Variants in MACF1 observed in about 807,000 individuals in gnomAD.
The protein encoded by MACF1 is microtubule actin crosslinking factor 1, also known as microtubule-actin cross-linking factor 1.
Under a neutral mutation model 854.8 loss-of-function variants are expected in MACF1, and 193 were observed. That is an observed-to-expected ratio of 0.23 (90% CI 0.20 to 0.25). MACF1 has a LOEUF of 0.25. Among genes scored for constraint, MACF1 ranks in the 10% least tolerant of loss-of-function variants. The probability of loss-of-function intolerance (pLI) is 1.00; values close to 1 mark genes in which losing one functional copy is unlikely to be tolerated. For synonymous variants in MACF1, 3,185 were observed against 3,226.7 expected (o/e 0.99, Z 0.44); for missense variants, 7,722 against 8,929.1 (o/e 0.86, Z 5.45).
At chr1:39,150,517 C>G (rs1643557491) in intron 2 of MACF1, among the ~76,000 whole-genome samples, 1 of 152,102 alleles carries the variant, frequency 6.6e-6, no homozygotes, top group South Asian at 2.1e-4. Flanking sequence ...CTTAAATACT[C>G]AAACATATTA....
At chr1:39,102,431 AGGCG>A (rs1452255135) in intron 2 of MACF1, among the ~76,000 whole-genome samples, 62 of 98,288 alleles carry the variant, frequency 6.3e-4, no homozygotes, top group South Asian at 4.2e-3. Context: ...TATTAATTGG[AGGCG>A]GGGGGGGGGT....
chr1:39,269,525 T>G, intron 6 of MACF1: 4 of 1,289,786 alleles, frequency 3.1e-6, no homozygotes, highest in Non-Finnish European at 4.0e-6. Flanking sequence ...TGCCTACTTC[T>G]CAGAGTGATT....
intron 6 of MACF1, among the ~76,000 whole-genome samples, chr1:39,262,186 G>A (rs1645170119): frequency 6.6e-6 from 1 of 152,018 alleles, no homozygotes; most frequent in Admixed American, 6.6e-5. Flanking sequence ...CAGATCACTT[G>A]AGGTCAGGAG....
At chr1:39,107,432 G>A (rs530198881) in intron 2 of MACF1, among the ~76,000 whole-genome samples, 7 of 152,172 alleles carry the variant, frequency 4.6e-5, no homozygotes, top group African/African-American at 1.4e-4. Context: ...CTTTCTTGAG[G>A]GGAGGAATGA....
chr1:39,460,729 G>A lies in MACF1; in HGVS notation c.21458G>A (p.Arg7153His), dbSNP rs1005885936. The A allele has an allele frequency of 3.1e-6, 5 of 1,614,170 alleles. No individual in the cohort carries two copies. Among genetic ancestry groups the A allele is most frequent in the East Asian group, 2.2e-5 (1 of 44,894 alleles). ...KKSRVMDFFR[R>H]IDKDQDGKIT... ...TCTCGAGTGATGGATTTCTTCCGGC[G>A]CATTGATAAGGACCAGGATGGGAAG... The change falls in exon 92 of 101, where the codon CGC (arginine) becomes CAC (histidine). Residue 7153 changes from arginine to histidine, a missense_variant. Arg to His is a conservative substitution (Grantham distance 29, BLOSUM62 0). This residue lies in a region of MACF1 where 153 missense variants were observed against 342.5 expected (regional missense o/e 0.45). Transcript: ENST00000564288. The surrounding 1 kb of genome is among the most constrained non-coding windows in gnomAD (Gnocchi z 4.1).
chr1:39,117,298 G>A (rs1173993925), intron 2 of MACF1, among the ~76,000 whole-genome samples: 4 of 152,004 alleles, frequency 2.6e-5, no homozygotes, highest in African/African-American at 7.3e-5. Context: ...GCTCAGAATT[G>A]ATGTAGTTCT....
At chr1:39,468,860 C>T (rs1488670376) in intron 96 of MACF1, 128 bp downstream of exon 96, 7 of 797,072 alleles carry the variant, frequency 8.8e-6, no homozygotes, top group Admixed American at 2.3e-5. Flanking sequence ...CAGGTGTCAT[C>T]CCACTAGCAC....
intron 2 of MACF1, among the ~76,000 whole-genome samples, chr1:39,190,167 G>GC (rs1177807827): frequency 6.6e-6 from 1 of 152,078 alleles, no homozygotes; most frequent in Non-Finnish European, 1.5e-5. Context: ...ACCAGAGAGT[G>GC]CTTTTTGTTT....
intron 2 of MACF1, among the ~76,000 whole-genome samples, chr1:39,147,366 TTTCTC>T (rs899440216): frequency 2.5e-4 from 37 of 150,960 alleles, no homozygotes; most frequent in African/African-American, 9.0e-4. Flanking sequence ...TTCCTTCTCT[TTTCTC>T]TTTCCTTTCC....
In MACF1 at chr1:39,347,151, G is replaced by A. The variant is rs752155643; in HGVS notation, c.10756G>A (p.Ala3586Thr). ...SFQDILEQTA[A>T]QVDALQGHLQ... ...CCAGGACATTTTGGAACAGACTGCC[G>A]CTCAGGTGGATGCCTTGCAGGGCCA... is the stretch of plus-strand genomic sequence containing the variant. The change falls in exon 41 of 101, where the codon GCT becomes ACT. Residue 3586 changes from alanine (A) to threonine (T), a missense_variant. Around this residue, in one of 15 missense-constraint regions of MACF1, gnomAD observed 854 missense variants for 852.6 expected, o/e 1.00. Transcript: ENST00000564288. The A allele has an allele frequency of 3.7e-6, 6 of 1,614,010 alleles. No homozygotes were observed. In the African/African-American group the frequency reaches 8.0e-5, roughly 22 times the overall value.
intron 19 of MACF1, among the ~76,000 whole-genome samples, chr1:39,295,399 A>G (rs1314487536): frequency 6.6e-6 from 1 of 152,212 alleles, no homozygotes; most frequent in African/African-American, 2.4e-5. Flanking sequence ...TCAGAGGAAA[A>G]GTGACTTGGA....
chr1:39,256,190 A>G (rs146491162), intron 5 of MACF1, among the ~76,000 whole-genome samples: 1 of 152,316 alleles, frequency 6.6e-6, no homozygotes, highest in African/African-American at 2.4e-5. Context: ...GTCATTGAGA[A>G]AAAGGTTAGC....
chr1:39,310,964 C>T lies in MACF1; in HGVS notation c.3234C>T (p.Ala1078=). 1 of 1,614,082 alleles carries T rather than the reference C, an allele frequency of 6.2e-7. No homozygotes were observed. Among genetic ancestry groups the T allele is most frequent in the Non-Finnish European group, 8.5e-7 (1 of 1,179,994 alleles). The change falls in exon 26 of 101, where the codon GCC becomes GCT. Residue 1078 remains alanine (A), a synonymous_variant. Transcript: ENST00000564288. ...CCAGCTCTAGGACTGACAGAGATGC[C>T]TGGCAGGACAATGCATTAAGGATTG... ...SLASSRTDRD[A]WQDNALRIAE... is the part of the protein sequence containing the mutation.
chr1:39,142,812 G>C (rs1643372940), intron 2 of MACF1, among the ~76,000 whole-genome samples: 2 of 152,280 alleles, frequency 1.3e-5, no homozygotes, highest in South Asian at 2.1e-4. Context: ...CAGTAGCCAG[G>C]TTACCACCTG....
intron 92 of MACF1, among the ~76,000 whole-genome samples, chr1:39,461,476 A>AT (rs1491232514): frequency 6.6e-6 from 1 of 152,152 alleles, no homozygotes; most frequent in Non-Finnish European, 1.5e-5. Flanking sequence ...AAATCAAGAC[A>AT]TAAATTTTTT....
intron 93 of MACF1, 87 bp downstream of exon 93, chr1:39,462,124 C>A: frequency 2.4e-6 from 3 of 1,275,074 alleles, no homozygotes; most frequent in South Asian, 1.4e-5. Context: ...ATCATATTAG[C>A]CTTTGACTTG....
chr1:39,427,242 A>T (rs1643756788), intron 61 of MACF1, among the ~76,000 whole-genome samples: 1 of 152,212 alleles, frequency 6.6e-6, no homozygotes, highest in South Asian at 2.1e-4. Flanking sequence ...GGGGATAATT[A>T]TTCTGTCCAC....
intron 21 of MACF1, among the ~76,000 whole-genome samples, chr1:39,298,134 C>CAA (rs58387428): frequency 4.2e-5 from 6 of 144,480 alleles, no homozygotes; most frequent in East Asian, 2.0e-4. Flanking sequence ...CTCTCTTATG[C>CAA]AAAAAAAAAA....
At chr1:39,268,830 G>T in intron 6 of MACF1, 2 of 1,289,748 alleles carry the variant, frequency 1.6e-6, no homozygotes, top group South Asian at 2.5e-5. Context: ...TACTCCAGAG[G>T]CATCTCACCA....
Sources: allele counts gnomAD v4.1 joint callset (sites outside exome capture counted in the v4.1 genomes callset), GRCh38; gene constraint gnomAD v4.1.1; regional missense constraint gnomAD v4.1.1; non-coding constraint Gnocchi (gnomAD v3.1); transcripts MANE v1.5; gene names NCBI Gene and HGNC (gene_info 2026-07-23, HGNC 2026-07-21).